MAMLD1: variants seen among roughly 807,000 people sequenced by gnomAD.
MAMLD1 encodes the protein mastermind-like domain-containing protein 1.
A neutral mutation model predicts 45.0 loss-of-function variants in MAMLD1; 14 were observed. That is an observed-to-expected ratio of 0.31 (90% CI 0.21 to 0.49). MAMLD1 has a LOEUF of 0.49. Among genes scored for constraint, MAMLD1 ranks in the 20% least tolerant of loss-of-function variants. The probability of loss-of-function intolerance (pLI) is 0.99; values close to 1 mark genes in which losing one functional copy is unlikely to be tolerated. For missense variants in MAMLD1, 543 were observed against 603.6 expected (o/e 0.90, Z 1.05); for synonymous variants, 254 against 247.8 (o/e 1.02, Z -0.24).
At chrX:150,374,299 A>G (rs1461307279) in intron 1 of MAMLD1, among the ~76,000 whole-genome samples, 1 of 112,507 alleles carries the variant, frequency 8.9e-6, no homozygotes, top group Non-Finnish European at 1.9e-5. Context: ...ACATTGACCA[A>G]CTGTGGGATT....
At chrX:150,481,492 A>G (rs1343180812) in intron 5 of MAMLD1, among the ~76,000 whole-genome samples, 1 of 112,022 alleles carries the variant, frequency 8.9e-6, no homozygotes, top group Non-Finnish European at 1.9e-5. Flanking sequence ...ACAGAGAAAT[A>G]CCGTATGATC....
chrX:150,430,024 T>TTC (rs1557403977), intron 1 of MAMLD1, among the ~76,000 whole-genome samples: 5 of 57,648 alleles, frequency 8.7e-5, no homozygotes, highest in Non-Finnish European at 1.6e-4. Context: ...CTTTTCTTTT[T>TTC]TTTTTTTTTT....
chrX:150,441,144 T>C (rs1209524886), intron 1 of MAMLD1, among the ~76,000 whole-genome samples: 1 of 107,758 alleles, frequency 9.3e-6, no homozygotes, highest in African/African-American at 3.3e-5. Context: ...AGTATCAAGT[T>C]AGGGTACTTG....
intron 1 of MAMLD1, among the ~76,000 whole-genome samples, chrX:150,414,041 A>AAAAAAAAAAAAAAAAAAAAC: frequency 9.5e-6 from 1 of 105,369 alleles, no homozygotes; most frequent in Admixed American, 1.0e-4. Flanking sequence ...AAAAAAAAAA[A>AAAAAAAAAAAAAAAAAAAAC]AAAAAAAGAG....
chrX:150,373,043 G>A (rs1052449146), intron 1 of MAMLD1, among the ~76,000 whole-genome samples: 1 of 111,616 alleles, frequency 9.0e-6, no homozygotes, highest in Non-Finnish European at 1.9e-5. Flanking sequence ...TTATCAAATC[G>A]GAGGCTCCCA....
chrX:150,513,218 A>T lies in MAMLD1; in HGVS notation c.*1259A>T. 2.0e-6 allele frequency: 1 copy of T among 498,851 alleles called. No individual in the cohort carries two copies. Among genetic ancestry groups the T allele is most frequent in the Non-Finnish European group, 3.2e-6 (1 of 315,093 alleles). The allele number at this position is 498,851 out of a possible 1,213,427, so 41.1% of individuals were successfully genotyped here. A position where few individuals can be genotyped will look rare whatever the true frequency, so the allele number is the denominator to read the frequency against. On this transcript the variant is annotated 3_prime_UTR_variant, in exon 8 of 8. Coordinates refer to ENST00000370401, the MANE Select transcript of MAMLD1 (RefSeq NM_005491.5). ...CCTCTCTCTACCTGTGACAAAATGG[A>T]AAGCTGGTGATTTTTCAAGCTACGT...
At chrX:150,462,972 A>T (rs2036097687) in intron 3 of MAMLD1, 126 bp downstream of exon 3, 1 of 551,563 alleles carries the variant, frequency 1.8e-6, no homozygotes, top group Non-Finnish European at 3.2e-6. Context: ...GAGCCCAGGG[A>T]GAAGTGAGAA....
At chrX:150,452,442 A>G (rs1485860579) in intron 2 of MAMLD1, among the ~76,000 whole-genome samples, 1 of 110,956 alleles carries the variant, frequency 9.0e-6, no homozygotes, top group Admixed American at 9.5e-5. Flanking sequence ...TGGAAAGGGT[A>G]GAAGGTGAGA....
chrX:150,459,275 C>A (rs1259972194), intron 2 of MAMLD1, among the ~76,000 whole-genome samples: 1 of 112,044 alleles, frequency 8.9e-6, no homozygotes, highest in African/African-American at 3.2e-5. Context: ...CAATTTCTAA[C>A]CTCATAAGGT....
intron 1 of MAMLD1, among the ~76,000 whole-genome samples, chrX:150,411,593 AG>A (rs1271996298): frequency 2.7e-5 from 3 of 112,106 alleles, no homozygotes; most frequent in African/African-American, 9.7e-5. Context: ...GCTCTAGCTG[AG>A]GCCGCTTTAA....
At chrX:150,508,970 G>A (rs2037821417) in intron 6 of MAMLD1, among the ~76,000 whole-genome samples, 2 of 111,640 alleles carry the variant, frequency 1.8e-5, no homozygotes, top group South Asian at 3.8e-4. Flanking sequence ...CCAACTGGCT[G>A]AGGGTCTCAG....
chrX:150,372,211 G>C (rs782025039), intron 1 of MAMLD1, among the ~76,000 whole-genome samples: 1 of 112,277 alleles, frequency 8.9e-6, no homozygotes, highest in Admixed American at 9.4e-5. Flanking sequence ...ATCTGAACTC[G>C]AAGTCTGGAA....
At chrX:150,370,598 AC>A (rs782139156) in intron 1 of MAMLD1, among the ~76,000 whole-genome samples, 1 of 111,104 alleles carries the variant, frequency 9.0e-6, no homozygotes, top group South Asian at 3.9e-4. Flanking sequence ...CTCCCAAATT[AC>A]CAGCCCAGGG....
intron 3 of MAMLD1, 47 bp downstream of exon 3, chrX:150,462,893 G>A (rs1409479728): frequency 9.9e-7 from 1 of 1,007,116 alleles, no homozygotes; most frequent in Non-Finnish European, 1.4e-6. Flanking sequence ...TTTACAGTGG[G>A]GAAACTGAGG....
At chrX:150,392,567 C>T (rs1467664337) in intron 1 of MAMLD1, among the ~76,000 whole-genome samples, 10 of 110,007 alleles carry the variant, frequency 9.1e-5, no homozygotes, top group Admixed American at 6.8e-4. Flanking sequence ...ATCAGAGGAC[C>T]GACATCTGCT....
chrX:150,489,495 G>C, intron 5 of MAMLD1, among the ~76,000 whole-genome samples: 1 of 109,302 alleles, frequency 9.1e-6, no homozygotes, highest in Non-Finnish European at 1.9e-5. Context: ...ACATCATATT[G>C]TGGGTTAGGT....
intron 1 of MAMLD1, among the ~76,000 whole-genome samples, chrX:150,426,821 C>T (rs2124564477): frequency 8.9e-6 from 1 of 111,942 alleles, no homozygotes; most frequent in East Asian, 2.8e-4. Context: ...TGGAAATGGG[C>T]CAGTCTCCAC....
intron 2 of MAMLD1, among the ~76,000 whole-genome samples, chrX:150,448,227 G>A (rs1268226754): frequency 2.7e-5 from 3 of 111,919 alleles, no homozygotes; most frequent in South Asian, 3.8e-4. Context: ...TCAAATGAAC[G>A]AAAAGTAAGA....
intron 2 of MAMLD1, among the ~76,000 whole-genome samples, chrX:150,460,102 G>A (rs2035989209): frequency 8.9e-6 from 1 of 112,600 alleles, no homozygotes; most frequent in Non-Finnish European, 1.9e-5. Context: ...ATAGTCATTT[G>A]TGTCTTGTGA....
Sources: gnomAD v4.1 joint callset for allele counts (sites outside exome capture counted in the v4.1 genomes callset) on GRCh38, gnomAD v4.1.1 for gene constraint, MANE v1.5 for transcripts, NCBI Gene and HGNC (gene_info 2026-07-23, HGNC 2026-07-21) for gene names.